PHLDB1: variants seen among roughly 807,000 people sequenced by gnomAD.
PHLDB1 encodes pleckstrin homology-like domain family B member 1.
PHLDB1 carries 65 observed loss-of-function variants against 139.3 expected under a neutral mutation model. The ratio of observed to expected loss-of-function variants is 0.47; its 90% CI spans 0.38 to 0.57. PHLDB1 has a LOEUF of 0.57. Among genes scored for constraint, PHLDB1 ranks in the 20% least tolerant of loss-of-function variants. The probability of loss-of-function intolerance (pLI) is 0.00; values close to 1 mark genes in which losing one functional copy is unlikely to be tolerated. For synonymous variants in PHLDB1, 679 were observed against 734.5 expected (o/e 0.92, Z 1.22); for missense variants, 1,624 against 1,839.7 (o/e 0.88, Z 2.14).
At chr11:118,639,607 C>A in intron 12 of PHLDB1, 1 of 322,074 alleles carries the variant, frequency 3.1e-6, no homozygotes, top group Non-Finnish European at 5.8e-6. Context: ...TATAGGGGTG[C>A]TGATCCTGGG....
chr11:118,610,568 C>T lies in PHLDB1; in HGVS notation c.-22+2869C>T. 1 of 774,566 alleles carries T rather than the reference C, an allele frequency of 1.3e-6. No homozygotes were observed. Among genetic ancestry groups the T allele is most frequent in the African/African-American group, 1.9e-5 (1 of 53,332 alleles). 48.0% of individuals were successfully genotyped at this position (774,566 alleles called of 1,614,324 possible). Reference sequence around the variant, plus strand: ...CGCGGGGCTCCGGGGAGCGCCCGAGCAGTGGCCCCGCGAAGGGCCGGGTCT... The same window carrying T: ...CGCGGGGCTCCGGGGAGCGCCCGAGTAGTGGCCCCGCGAAGGGCCGGGTCT... On this transcript the variant is annotated intron_variant, in intron 1 of 22. Transcript: ENST00000600882. This position sits in a 1 kb window ranked among gnomAD's most constrained non-coding sequence, Gnocchi z 8.7.
intron 13 of PHLDB1, 152 bp downstream of exon 13, chr11:118,642,546 C>A: frequency 2.2e-6 from 2 of 905,284 alleles, no homozygotes; most frequent in Non-Finnish European, 3.3e-6. Flanking sequence ...GAGAGGGTCA[C>A]TCCTTGGGCA....
At chr11:118,623,763 A>G (rs1555097511) in intron 4 of PHLDB1, among the ~76,000 whole-genome samples, 1 of 151,966 alleles carries the variant, frequency 6.6e-6, no homozygotes, top group African/African-American at 2.4e-5. Flanking sequence ...TGACCCTGGA[A>G]GTTGCTGCCT....
At chr11:118,614,417 G>T in intron 2 of PHLDB1, 142 bp from the exon 3 acceptor site, 1 of 771,684 alleles carries the variant, frequency 1.3e-6, no homozygotes. Context: ...CATGCTCTGT[G>T]TAAGATTTTG....
intron 3 of PHLDB1, 47 bp from the exon 4 acceptor site, chr11:118,615,994 C>T (rs1218690618): frequency 1.3e-6 from 2 of 1,533,782 alleles, no homozygotes; most frequent in African/African-American, 2.7e-5. Context: ...GTCACTGCCT[C>T]CTCAGCCTGG....
rs902160867 is a variant in PHLDB1 at position 118,608,731 on chromosome 11, C to A, written c.-22+1032C>A. Among the ~76,000 whole-genome samples, 1 of 152,128 alleles carries A rather than the reference C, an allele frequency of 6.6e-6. No individual in the cohort carries two copies. Among genetic ancestry groups the A allele is most frequent in the African/African-American group, 2.4e-5 (1 of 41,418 alleles). ...GCCTCCGCGACACTTCGCACACCTA[C>A]GTCCCTGCGTCACGCCACCCAGACA... is the stretch of plus-strand genomic sequence containing the variant. On this transcript the variant is annotated intron_variant, in intron 1 of 22. Coordinates refer to ENST00000600882, the MANE Select transcript of PHLDB1 (RefSeq NM_001144758.3). The surrounding 1 kb of genome is among the most constrained non-coding windows in gnomAD (Gnocchi z 6.7).
rs782642349 is a variant in PHLDB1 at position 118,628,186 on chromosome 11, C to A, written c.1363C>A (p.Arg455=). 12 of 1,614,052 alleles carry A rather than the reference C, an allele frequency of 7.4e-6. No homozygotes were observed. Among genetic ancestry groups the A allele is most frequent in the Non-Finnish European group, 1.0e-5 (12 of 1,179,976 alleles). Residue 455 remains arginine, a synonymous_variant, in exon 6 of 23, where the codon CGA becomes AGA. Coordinates refer to ENST00000600882, the MANE Select transcript of PHLDB1 (RefSeq NM_001144758.3). ...GGGCCGGCGGGGCCTGGACAGTATG[C>A]GAGAACTACCCCCCTTAAGTCCATC... ...RLGRRGLDSM[R]ELPPLSPSLS... is the part of the protein sequence containing the mutation.
chr11:118,635,204 A>G, intron 9 of PHLDB1, 189 bp from the exon 10 acceptor site: 1 of 676,832 alleles, frequency 1.5e-6, no homozygotes, highest in South Asian at 1.9e-5. Flanking sequence ...AGGTTGGGGA[A>G]TCAGCGCTCC....
chr11:118,644,948 G>A (rs1947231503), intron 15 of PHLDB1: 1 of 269,290 alleles, frequency 3.7e-6, no homozygotes, highest in South Asian at 4.0e-5. Flanking sequence ...TTGGCAGTCT[G>A]GGTGCTCATG....
In PHLDB1 at chr11:118,617,675, G is replaced by C. The variant is rs149001112; in HGVS notation, c.355+1464G>C. Among the ~76,000 whole-genome samples, 1,259 of 152,008 alleles carry C rather than the reference G, an allele frequency of 8.3e-3. 13 individuals are homozygous for C. Among genetic ancestry groups the C allele is most frequent in the African/African-American group, 0.029 (1,185 of 41,454 alleles). On this transcript the variant is annotated intron_variant, in intron 4 of 22. Coordinates refer to ENST00000600882, the MANE Select transcript of PHLDB1 (RefSeq NM_001144758.3). The stretch of plus-strand genomic sequence containing the variant: ...GTCTTTTCTTCCTGCCCTCGGGTAG[G>C]GGGCAGGGCATGGACAATTGACTTC...
At chr11:118,619,781 G>T (rs527623452) in intron 4 of PHLDB1, among the ~76,000 whole-genome samples, 5 of 152,336 alleles carry the variant, frequency 3.3e-5, no homozygotes, top group Admixed American at 6.5e-5. Context: ...TATGCATATA[G>T]TTGGCAGCAT....
chr11:118,635,429 G>C lies in PHLDB1; in HGVS notation c.2416G>C (p.Glu806Gln), dbSNP rs1945484843. ...EALETETKLF[E>Q]DLEFQQLERE... The stretch of plus-strand genomic sequence containing the variant: ...CCTGGAGACTGAGACAAAGCTCTTT[G>C]AGGACTTGGAGTTCCAGCAGTTGGA... The change falls in exon 10 of 23, where the codon GAG (glutamate) becomes CAG (glutamine). Residue 806 changes from glutamate (E) to glutamine (Q), a missense_variant. Glu to Gln is a conservative substitution (Grantham distance 29). Transcript: ENST00000600882. 1 of 1,610,300 alleles carries C rather than the reference G, an allele frequency of 6.2e-7. No individual in the cohort carries two copies. Among genetic ancestry groups the C allele is most frequent in the Middle Eastern group, 1.7e-4 (1 of 6,044 alleles).
At position 118,656,709 on chromosome 11, in the gene PHLDB1, C is replaced by T. The variant is rs148039830; in HGVS notation, c.4020C>T (p.Cys1340=). Residue 1340 remains cysteine, a synonymous_variant, in exon 23 of 23, where the codon TGC becomes TGT. Transcript: ENST00000600882. The part of the protein sequence containing the change: ...TESPNPALTF[C]VKTHDRLYYM... ...GCCCGAACCCAGCCCTCACCTTCTG[C>T]GTAAAGACCCATGACCGGCTGTACT... is the stretch of plus-strand genomic sequence containing the variant. 24 of 1,613,812 alleles carry T rather than the reference C, an allele frequency of 1.5e-5. No homozygotes were observed. The highest frequency in any genetic ancestry group is 2.7e-5 in the African/African-American group (2 of 74,900).
intron 3 of PHLDB1, chr11:118,615,758 G>C: frequency 2.7e-6 from 1 of 370,394 alleles, no homozygotes; most frequent in Non-Finnish European, 4.8e-6. Context: ...CAGAAAAGCA[G>C]TCTTCCTTCT....
intron 1 of PHLDB1, chr11:118,613,475 G>A (rs1565388757): frequency 2.0e-6 from 2 of 1,005,984 alleles, no homozygotes; most frequent in Non-Finnish European, 2.4e-6. Context: ...CCCTGCTTAA[G>A]GCTCCACAGG....
Position 118,614,621 on chromosome 11 carries a change from C to A in PHLDB1, c.123C>A (p.His41Gln). ...TGAAAGTGCAAACGGACAAACCCCA[C>A]CTGGTGAGCCTGGGCAGTGGGCGAC... is the stretch of plus-strand genomic sequence containing the variant. ...KGLKVQTDKP[H>Q]LVSLGSGRLS... Residue 41 changes from histidine to glutamine, a missense_variant, in exon 3 of 23, where the codon CAC becomes CAA. Physicochemically the swap from His to Gln is conservative, Grantham distance 24. Transcript: ENST00000600882. 1 of 1,614,046 alleles carries A rather than the reference C, an allele frequency of 6.2e-7. No homozygotes were observed. The highest frequency in any genetic ancestry group is 8.5e-7 in the Non-Finnish European group (1 of 1,179,938).
intron 12 of PHLDB1, chr11:118,639,532 T>A: frequency 2.0e-6 from 1 of 510,636 alleles, no homozygotes; most frequent in South Asian, 2.3e-5. Context: ...GTTGGGTGGG[T>A]AGACAGCTCA....
intron 10 of PHLDB1, chr11:118,636,675 T>C (rs968374484): frequency 2.7e-4 from 41 of 152,234 alleles, no homozygotes; most frequent in African/African-American, 9.4e-4. Context: ...CCTCCCATTA[T>C]ATAAGCTTCA....
intron 4 of PHLDB1, among the ~76,000 whole-genome samples, chr11:118,616,895 AT>A (rs1941759430): frequency 6.6e-6 from 1 of 152,106 alleles, no homozygotes; most frequent in East Asian, 1.9e-4. Flanking sequence ...AAATACAAAA[AT>A]TAGCCACACG....
Sources: allele counts gnomAD v4.1 joint callset (sites outside exome capture counted in the v4.1 genomes callset), GRCh38; gene constraint gnomAD v4.1.1; non-coding constraint Gnocchi (gnomAD v3.1); transcripts MANE v1.5; gene names NCBI Gene and HGNC (gene_info 2026-07-23, HGNC 2026-07-21).